NBEA: variants seen among roughly 807,000 people sequenced by gnomAD.
The protein encoded by NBEA is lysosomal-trafficking regulator 2.
In NBEA, 44 loss-of-function variants were observed where a neutral mutation model predicts 343.4. That is an observed-to-expected ratio of 0.13 (90% CI 0.10 to 0.16). NBEA has a LOEUF of 0.16. NBEA is among the 10% of genes least tolerant of loss of function. The pLI is 1.00. For missense variants in NBEA, 2,555 were observed against 3,631.3 expected (o/e 0.70, Z 7.62); for synonymous variants, 1,175 against 1,238.7 (o/e 0.95, Z 1.08).
At chr13:35,513,173 G>A (rs1191328880) in intron 41 of NBEA, among the ~76,000 whole-genome samples, 1 of 144,238 alleles carries the variant, frequency 6.9e-6, no homozygotes, top group Non-Finnish European at 1.5e-5. Context: ...GTCTTGCTCT[G>A]TCACCCAGGC....
chr13:35,147,827 C>G (rs569565361), intron 18 of NBEA, among the ~76,000 whole-genome samples: 1 of 152,074 alleles, frequency 6.6e-6, no homozygotes. Context: ...TCCTACAAAG[C>G]TCAGGGTTTT....
At chr13:35,417,880 G>A (rs550451709) in intron 38 of NBEA, among the ~76,000 whole-genome samples, 4 of 152,120 alleles carry the variant, frequency 2.6e-5, no homozygotes, top group Non-Finnish European at 4.4e-5. Flanking sequence ...AAGTCTCTTT[G>A]TAGGTCTCTA....
intron 41 of NBEA, among the ~76,000 whole-genome samples, chr13:35,518,997 T>C (rs9574079): frequency 0.052 from 7,902 of 152,258 alleles, 460 homozygotes; most frequent in East Asian, 0.22. Flanking sequence ...TTAAGCAAAT[T>C]TGATGCTTCG....
Position 35,603,587 on chromosome 13 carries a change from T to C in NBEA, c.7297-2839T>C, listed in dbSNP as rs148442165. On this transcript the variant is annotated intron_variant, in intron 47 of 58. Transcript: ENST00000379939. ...GATGGTATAAGATAAATTAAGACTA[T>C]TTTAGTTGTTTAAATAAAACTAAAT... Among the ~76,000 whole-genome samples the C allele has an allele frequency of 1.5e-3, 236 of 152,362 alleles. 1 individual carries two copies. Among genetic ancestry groups the C allele is most frequent in the African/African-American group, 5.5e-3 (227 of 41,586 alleles).
At chr13:35,222,811 C>T (rs551588655) in intron 33 of NBEA, among the ~76,000 whole-genome samples, 8 of 152,174 alleles carry the variant, frequency 5.3e-5, no homozygotes, top group African/African-American at 1.4e-4. Flanking sequence ...TGTTGTCATA[C>T]GTTTTACTTT....
chr13:34,960,575 A>G (rs1013582706), intron 1 of NBEA, among the ~76,000 whole-genome samples: 3 of 152,084 alleles, frequency 2.0e-5, no homozygotes, highest in African/African-American at 7.2e-5. Context: ...TGTTCTCTAC[A>G]GGTGTACCAT....
intron 10 of NBEA, among the ~76,000 whole-genome samples, chr13:35,073,553 T>C (rs1375197503): frequency 6.6e-6 from 1 of 152,176 alleles, no homozygotes; most frequent in African/African-American, 2.4e-5. Context: ...AATGAAACTT[T>C]TCATTGTTTC....
chr13:35,425,473 A>C (rs1594590893), intron 38 of NBEA, among the ~76,000 whole-genome samples: 1 of 152,150 alleles, frequency 6.6e-6, no homozygotes, highest in Non-Finnish European at 1.5e-5. Context: ...GAGTTTCTTA[A>C]TCCTGAGTTC....
At chr13:35,335,133 C>G (rs192332449) in intron 36 of NBEA, among the ~76,000 whole-genome samples, 1 of 152,216 alleles carries the variant, frequency 6.6e-6, no homozygotes, top group African/African-American at 2.4e-5. Flanking sequence ...GCACCTTTGT[C>G]AAAAATGAGT....
At chr13:34,950,008 G>C (rs1378771533) in intron 1 of NBEA, among the ~76,000 whole-genome samples, 1 of 152,096 alleles carries the variant, frequency 6.6e-6, no homozygotes, top group Non-Finnish European at 1.5e-5. Context: ...GATTTCTGAC[G>C]GTTTTGGCTG....
chr13:35,419,040 AT>A (rs1190021341), intron 38 of NBEA, among the ~76,000 whole-genome samples: 3 of 151,984 alleles, frequency 2.0e-5, no homozygotes, highest in Non-Finnish European at 4.4e-5. Context: ...TTTATACAAT[AT>A]TTTTAATAAT....
intron 48 of NBEA, among the ~76,000 whole-genome samples, chr13:35,615,168 T>TGG (rs2082684935): frequency 7.0e-6 from 1 of 143,444 alleles, no homozygotes; most frequent in South Asian, 2.2e-4. Flanking sequence ...CAAGGCATGG[T>TGG]GGTACATAGT....
chr13:34,942,671 G>C lies in NBEA; in HGVS notation c.-150G>C. 2.1e-6 allele frequency: 1 copy of C among 471,434 alleles called. No individual in the cohort carries two copies. Among genetic ancestry groups the C allele is most frequent in the South Asian group, 1.0e-4 (1 of 9,652 alleles). The allele number at this position is 471,434 out of a possible 1,614,324, so 29.2% of individuals were successfully genotyped here. ...GGAGAGCGCCGGAGCGGGCCGGGCT[G>C]AGGCGCAGGCGGGGAGCGGGCCCGG... is the stretch of plus-strand genomic sequence containing the variant. On this transcript the variant is annotated 5_prime_UTR_variant, in exon 1 of 59. Transcript: ENST00000379939.
intron 41 of NBEA, among the ~76,000 whole-genome samples, chr13:35,491,108 CA>C (rs754989785): frequency 6.6e-6 from 1 of 151,866 alleles, no homozygotes; most frequent in Non-Finnish European, 1.5e-5. Flanking sequence ...GACTCAAACC[CA>C]GCTTTTTCTA....
At chr13:34,993,646 G>A (rs2060837667) in intron 1 of NBEA, among the ~76,000 whole-genome samples, 1 of 152,104 alleles carries the variant, frequency 6.6e-6, no homozygotes, top group South Asian at 2.1e-4. Flanking sequence ...AATGATGACT[G>A]TTTTTCGTGG....
intron 18 of NBEA, among the ~76,000 whole-genome samples, chr13:35,153,397 C>T (rs996252858): frequency 2.6e-5 from 4 of 152,042 alleles, no homozygotes; most frequent in African/African-American, 7.2e-5. Flanking sequence ...TTTATGCCTG[C>T]CTCCAGAACA....
chr13:35,292,170 G>C (rs1388155095), intron 35 of NBEA, among the ~76,000 whole-genome samples: 2 of 151,828 alleles, frequency 1.3e-5, no homozygotes, highest in Non-Finnish European at 2.9e-5. Context: ...CCATTTTACT[G>C]TGAAATTAAG....
At chr13:35,283,554 A>G (rs933746595) in intron 34 of NBEA, among the ~76,000 whole-genome samples, 5 of 152,172 alleles carry the variant, frequency 3.3e-5, no homozygotes, top group African/African-American at 1.2e-4. Flanking sequence ...GTAACACAGT[A>G]CCACTGATTT....
At chr13:35,142,657 A>G (rs1172103831) in intron 18 of NBEA, among the ~76,000 whole-genome samples, 2 of 152,074 alleles carry the variant, frequency 1.3e-5, no homozygotes, top group South Asian at 2.1e-4. Flanking sequence ...CATAAACTAC[A>G]TCCGTTATGT....
Sources: allele counts gnomAD v4.1 joint callset (sites outside exome capture counted in the v4.1 genomes callset), GRCh38; gene constraint gnomAD v4.1.1; transcripts MANE v1.5; gene names NCBI Gene and HGNC (gene_info 2026-07-23, HGNC 2026-07-21).